Variants in MED16 observed in about 807,000 individuals in gnomAD.
MED16 encodes the protein mediator complex subunit 16, also known as mediator of RNA polymerase II transcription subunit 16.
In MED16, 81 loss-of-function variants were observed where a neutral mutation model predicts 84.4. The observed-to-expected ratio is 0.96, with a 90% CI of 0.80 to 1.15. The LOEUF (loss-of-function observed/expected upper bound fraction) is 1.15, where lower values mean the gene tolerates loss of function less well. Among genes scored for constraint, MED16 ranks in the 50% most tolerant of loss-of-function variants. The pLI is 0.00. For missense variants in MED16, 1,585 were observed against 1,245.9 expected, an observed-to-expected ratio of 1.27 and a Z score of -4.10; for synonymous variants, 897 against 552.2, an observed-to-expected ratio of 1.62 and a Z score of -8.76.
At chr19:881,810 C>G in intron 6 of MED16, 96 bp from the exon 7 acceptor site, 1 of 1,438,440 alleles carries the variant, frequency 7.0e-7, no homozygotes, top group Non-Finnish European at 9.5e-7. Context: ...GCAACCTGCC[C>G]AGGGCCCTTC....
At position 869,025 on chromosome 19, in the gene MED16, G is replaced by A. The variant is rs532407782; in HGVS notation, c.2316-79C>T. On this transcript the variant is annotated intron_variant, in intron 13 of 15. Transcript: ENST00000325464. The stretch of plus-strand genomic sequence containing the variant: ...CCGGCAGGGGCATCTGTCCACAGGC[G>A]GGGGTGGAGGGAATGGCCGGCCTCA... 146 of 1,258,052 alleles carry A rather than the reference G, an allele frequency of 1.2e-4. No individual in the cohort carries two copies. In the East Asian group the frequency reaches 2.8e-3, roughly 24 times the overall value. The allele number at this position is 1,258,052 out of a possible 1,614,324, so 77.9% of individuals were successfully genotyped here.
At chr19:891,234 T>A in intron 1 of MED16, 85 bp from the exon 2 acceptor site, 7 of 1,319,946 alleles carry the variant, frequency 5.3e-6, no homozygotes, top group Non-Finnish European at 7.3e-6. Flanking sequence ...GGGAAAACAA[T>A]GGAGGCCCGT....
At chr19:874,145 A>T (rs889011038) in intron 10 of MED16, among the ~76,000 whole-genome samples, 1 of 132,876 alleles carries the variant, frequency 7.5e-6, no homozygotes, top group African/African-American at 2.7e-5. Flanking sequence ...ACAGAGTCTC[A>T]CTCTGTCGCC....
chr19:868,993 C>T, intron 13 of MED16, 47 bp from the exon 14 acceptor site: 1 of 1,484,376 alleles, frequency 6.7e-7, no homozygotes, highest in Non-Finnish European at 9.0e-7. Flanking sequence ...CACCACGAGG[C>T]CAGGTTCCGG....
intron 10 of MED16, among the ~76,000 whole-genome samples, chr19:874,176 T>G (rs919910499): frequency 6.6e-6 from 1 of 151,758 alleles, no homozygotes; most frequent in Admixed American, 6.6e-5. Flanking sequence ...TGCAGTGGGG[T>G]GATCTCAGCT....
At chr19:890,322 G>A (rs1333904899) in intron 2 of MED16, 78 bp from the exon 3 acceptor site, 8 of 1,033,030 alleles carry the variant, frequency 7.7e-6, no homozygotes, top group South Asian at 3.4e-5. Context: ...GCAGGCTCCA[G>A]GTAAGCCGGT....
At chr19:885,496 G>A (rs997294784) in intron 5 of MED16, among the ~76,000 whole-genome samples, 8 of 152,098 alleles carry the variant, frequency 5.3e-5, no homozygotes, top group Non-Finnish European at 8.8e-5. Flanking sequence ...GGGTCCTCAG[G>A]AGAGAATGTG....
rs1387040463 is a variant in MED16 at position 875,269 on chromosome 19, C to A, written c.1746G>T (p.Glu582Asp). The A allele has an allele frequency of 6.2e-7, 1 of 1,611,064 alleles. No homozygotes were observed. The highest frequency in any genetic ancestry group is 8.5e-7 in the Non-Finnish European group (1 of 1,179,514). ...CGACGTCGGTGATCTTGGTGCAGAT[C>A]TCGGTCAGCCGGTCGCCGGGGCTCT... ...PDKSPGDRLT[E>D]ICTKITDVDI... Residue 582 changes from glutamate to aspartate, a missense_variant, in exon 10 of 16, where the codon GAG (glutamate) becomes GAT (aspartate). Coordinates refer to ENST00000325464, the MANE Select transcript of MED16 (RefSeq NM_005481.3).
chr19:880,270 C>A, intron 7 of MED16, 122 bp from the exon 8 acceptor site: 1 of 860,594 alleles, frequency 1.2e-6, no homozygotes. Flanking sequence ...TCAGCCCCCG[C>A]CAATCGGCAT....
At chr19:879,510 C>CACCTTCCCCT (rs2036361341) in intron 8 of MED16, among the ~76,000 whole-genome samples, 2 of 135,092 alleles carry the variant, frequency 1.5e-5, no homozygotes, top group Non-Finnish European at 1.6e-5. Flanking sequence ...CCCAGCAGCT[C>CACCTTCCCCT]GCCTTTCCCT....
chr19:885,899 G>T lies in MED16; in HGVS notation c.750C>A (p.Ser250Arg). 2 of 1,613,596 alleles carry T rather than the reference G, an allele frequency of 1.2e-6. No individual in the cohort carries two copies. The highest frequency in any genetic ancestry group is 1.7e-6 in the Non-Finnish European group (2 of 1,179,952). Residue 250 changes from serine (S) to arginine (R), a missense_variant, in exon 5 of 16, where the codon AGC (serine) becomes AGA (arginine). By Grantham distance (110) the Ser-to-Arg change is moderately radical. Coordinates refer to ENST00000325464, the MANE Select transcript of MED16 (RefSeq NM_005481.3). ...QFYKVCVSVV[S>R]EKCRIDTEIL... is the part of the protein sequence containing the mutation. ...TCTCCGTGTCGATACGGCACTTCTC[G>T]CTCACCACGCTCACGCACACCTTGT...
At position 877,617 on chromosome 19, in the gene MED16, G is replaced by T. The variant is rs576728498; in HGVS notation, c.1354-437C>A. Among the ~76,000 whole-genome samples, 3 of 150,052 alleles carry T rather than the reference G, an allele frequency of 2.0e-5. No homozygotes were observed. The South Asian group carries it at 6.2e-4, about 31-fold the overall frequency. On this transcript the variant is annotated intron_variant, in intron 8 of 15. Coordinates refer to ENST00000325464, the MANE Select transcript of MED16 (RefSeq NM_005481.3). ...GCTTGCACCTGTGGTCCCTTCCCCC[G>T]GGGGCGCCTCCCTCTGGCACCCTCC...
Position 872,081 on chromosome 19 carries a change from T to A in MED16, c.1943A>T (p.Asp648Val). 6.2e-7 allele frequency: 1 copy of A among 1,608,090 alleles called. No homozygotes were observed. ...CCGAAGCATGCCCAGCGAGGTGCCGTCCCGCAGAAAGCTGTGGCCCGGCCT... is the reference window on the plus strand; with the variant it reads ...CCGAAGCATGCCCAGCGAGGTGCCGACCCGCAGAAAGCTGTGGCCCGGCCT... ...LLRPGHSFLR[D>V]GTSLGMLREL... is the part of the protein sequence containing the mutation. The change falls in exon 12 of 16, where the codon GAC becomes GTC. Residue 648 changes from aspartate to valine, a missense_variant. By Grantham distance (152) the Asp-to-Val change is radical. Transcript: ENST00000325464.
At chr19:872,344 C>T (rs1290051345) in intron 11 of MED16, among the ~76,000 whole-genome samples, 1 of 152,012 alleles carries the variant, frequency 6.6e-6, no homozygotes, top group African/African-American at 2.4e-5. Flanking sequence ...GTCGTCCCAT[C>T]CCTGAGAGTC....
rs983724898 is a variant in MED16 at position 875,521 on chromosome 19, G to A, written c.1561-67C>T. The A allele has an allele frequency of 5.3e-6, 7 of 1,327,854 alleles. No homozygotes were observed. The African/African-American group carries it at 7.3e-5, about 14-fold the overall frequency. 82.3% of individuals were successfully genotyped at this position (1,327,854 alleles called of 1,614,324 possible). ...AGGCGCCCGCCAAGGCTCCAGCTGA[G>A]GAGAAGAGCAGTTCGACTCTGACAC... On this transcript the variant is annotated intron_variant, in intron 9 of 15. Transcript: ENST00000325464.
At chr19:874,075 A>G (rs977095436) in intron 10 of MED16, among the ~76,000 whole-genome samples, 7 of 152,094 alleles carry the variant, frequency 4.6e-5, no homozygotes, top group African/African-American at 1.7e-4. Context: ...CAGGAGTGCC[A>G]CGTGTCCACA....
chr19:874,684 C>G (rs888268498), intron 10 of MED16, among the ~76,000 whole-genome samples: 1 of 152,184 alleles, frequency 6.6e-6, no homozygotes, highest in Non-Finnish European at 1.5e-5. Flanking sequence ...TCAAGACCAG[C>G]CTGGGCAACA....
Position 868,094 on chromosome 19 carries a change from CCGGCCGTCACGGA to C in MED16, c.2628_*6del, listed in dbSNP as rs2035956049. On this transcript the variant is annotated stop_lost and 3_prime_UTR_variant, in exon 16 of 16. Transcript: ENST00000325464. The stretch of plus-strand genomic sequence containing the variant: ...GTCACCACAAGGTCCGCCTGGACCC[CCGGCCGTCACGGA>C]CGGTCCTCTGGATGCAGATGGTCCA... 1.2e-6 allele frequency: 2 copies of C among 1,600,252 alleles called. No homozygotes were observed.
At chr19:872,878 G>C in intron 11 of MED16, 12 of 839,690 alleles carry the variant, frequency 1.4e-5, no homozygotes, top group Non-Finnish European at 1.8e-5. Context: ...TTTGAGAATG[G>C]GCAGGAAGGG....
Sources: gnomAD v4.1 joint callset for allele counts (sites outside exome capture counted in the v4.1 genomes callset) on GRCh38, gnomAD v4.1.1 for gene constraint, MANE v1.5 for transcripts, NCBI Gene and HGNC (gene_info 2026-07-23, HGNC 2026-07-21) for gene names.